Variants in INPP5A observed in about 807,000 individuals in gnomAD.
INPP5A encodes 43 kDa inositol polyphosphate 5-phophatase.
In INPP5A, 14 loss-of-function variants were observed where a neutral mutation model predicts 65.2. The ratio of observed to expected loss-of-function variants is 0.21; its 90% confidence interval spans 0.14 to 0.34. The LOEUF (loss-of-function observed/expected upper bound fraction) is 0.34, where lower values mean the gene tolerates loss of function less well. Among genes scored for constraint, INPP5A ranks in the 10% least tolerant of loss-of-function variants. The probability of loss-of-function intolerance (pLI) is 1.00; values close to 1 mark genes in which losing one functional copy is unlikely to be tolerated. For synonymous variants in INPP5A, 207 were observed against 208.3 expected (o/e 0.99, Z 0.05); for missense variants, 431 against 545.6 (o/e 0.79, Z 2.09).
chr10:132,600,393 C>A (rs2071760418), intron 1 of INPP5A, among the ~76,000 whole-genome samples: 1 of 152,210 alleles, frequency 6.6e-6, no homozygotes, highest in Non-Finnish European at 1.5e-5. Flanking sequence ...CGCTCCAGTT[C>A]CCAACAAGTT....
intron 5 of INPP5A, among the ~76,000 whole-genome samples, chr10:132,695,132 G>A (rs2134494798): frequency 6.6e-6 from 1 of 152,148 alleles, no homozygotes; most frequent in African/African-American, 2.4e-5. Context: ...AAATTCTCAA[G>A]AGTCAGTTAT....
At chr10:132,583,299 A>G (rs1485598101) in intron 1 of INPP5A, among the ~76,000 whole-genome samples, 1 of 152,164 alleles carries the variant, frequency 6.6e-6, no homozygotes, top group Non-Finnish European at 1.5e-5. Flanking sequence ...TCTGAACCGT[A>G]GCTTCTGTGG....
At chr10:132,757,183 G>A (rs960820654) in intron 11 of INPP5A, among the ~76,000 whole-genome samples, 2 of 152,180 alleles carry the variant, frequency 1.3e-5, no homozygotes, top group Non-Finnish European at 2.9e-5. Context: ...TCAGCGTTCC[G>A]TATTTATAAA....
Position 132,590,009 on chromosome 10 carries a change from C to T in INPP5A, c.76-17906C>T, listed in dbSNP as rs73397368. ...CCTCGGGGAGCCCCTCGACGAGACC[C>T]ATGGCTCCTGCACGGATGGTTTCAC... is the stretch of plus-strand genomic sequence containing the variant. On this transcript the variant is annotated intron_variant, in intron 1 of 15. Coordinates refer to ENST00000368594, the MANE Select transcript of INPP5A (RefSeq NM_005539.5). Among the ~76,000 whole-genome samples the T allele has an allele frequency of 2.9e-3, 449 of 152,380 alleles. 2 individuals are homozygous for T. Among genetic ancestry groups the T allele is most frequent in the African/African-American group, 0.01 (429 of 41,590 alleles).
At chr10:132,604,433 C>T (rs529258575) in intron 1 of INPP5A, among the ~76,000 whole-genome samples, 4 of 152,334 alleles carry the variant, frequency 2.6e-5, no homozygotes, top group East Asian at 1.9e-4. Context: ...CGCTCAGGAG[C>T]GAGGATGCAG....
At chr10:132,594,660 G>T (rs995719059) in intron 1 of INPP5A, among the ~76,000 whole-genome samples, 1 of 152,082 alleles carries the variant, frequency 6.6e-6, no homozygotes, top group Non-Finnish European at 1.5e-5. Context: ...TGTGTGTGGG[G>T]TGCATATGTG....
intron 1 of INPP5A, among the ~76,000 whole-genome samples, chr10:132,563,493 T>C (rs757488443): frequency 6.6e-6 from 1 of 152,134 alleles, no homozygotes; most frequent in Non-Finnish European, 1.5e-5. Context: ...TTATGTCTTA[T>C]TAGGTGAATT....
At chr10:132,584,134 A>G (rs2493896) in intron 1 of INPP5A, among the ~76,000 whole-genome samples, 37,721 of 152,194 alleles carry the variant, frequency 0.25, 5,501 homozygotes, top group East Asian at 0.5. Flanking sequence ...TTGTGTACAC[A>G]TCAGTGAGAG....
intron 1 of INPP5A, among the ~76,000 whole-genome samples, chr10:132,563,682 GGAAAGGAAAGGAGA>G (rs1414482519): frequency 7.0e-4 from 107 of 151,826 alleles, no homozygotes; most frequent in South Asian, 3.5e-3. Context: ...AAGAGAGAAA[GGAAAGGAAAGGAGA>G]GAAAGGAAAG....
intron 2 of INPP5A, among the ~76,000 whole-genome samples, chr10:132,624,684 C>T (rs1282685192): frequency 6.6e-6 from 1 of 152,224 alleles, no homozygotes; most frequent in South Asian, 2.1e-4. Flanking sequence ...GCTCAGGACT[C>T]CCCACCTTTC....
At chr10:132,763,798 C>T (rs995135054) in intron 11 of INPP5A, among the ~76,000 whole-genome samples, 2 of 152,226 alleles carry the variant, frequency 1.3e-5, no homozygotes, top group African/African-American at 4.8e-5. Flanking sequence ...TGCATGCAAA[C>T]ACACATGCCT....
At chr10:132,744,669 G>A (rs1328509465) in intron 9 of INPP5A, among the ~76,000 whole-genome samples, 1 of 152,220 alleles carries the variant, frequency 6.6e-6, no homozygotes, top group Non-Finnish European at 1.5e-5. Flanking sequence ...CGTTGGCTTT[G>A]TGGTTCGTTT....
chr10:132,724,226 A>G (rs1248780119), intron 8 of INPP5A, among the ~76,000 whole-genome samples: 2 of 152,220 alleles, frequency 1.3e-5, no homozygotes, highest in Admixed American at 6.5e-5. Flanking sequence ...GCCGCTGGGA[A>G]TGTTGTGTTG....
chr10:132,638,421 G>T (rs1342809805), intron 2 of INPP5A, among the ~76,000 whole-genome samples: 1 of 152,150 alleles, frequency 6.6e-6, no homozygotes, highest in South Asian at 2.1e-4. Context: ...TCCCTCTCTT[G>T]TGGTGTTTCT....
chr10:132,716,640 C>T (rs1486150060), intron 8 of INPP5A, among the ~76,000 whole-genome samples: 2 of 152,242 alleles, frequency 1.3e-5, no homozygotes, highest in Non-Finnish European at 2.9e-5. Context: ...ACCCCAGCGT[C>T]ACCACTGGCA....
In INPP5A at chr10:132,675,177, A is replaced by C. The variant is rs945068481; in HGVS notation, c.307-15215A>C. Among the ~76,000 whole-genome samples the C allele has an allele frequency of 2.0e-5, 3 of 152,206 alleles. No homozygotes were observed. The highest frequency in any genetic ancestry group is 4.4e-5 in the Non-Finnish European group (3 of 68,042). ...ACAAATCAAGAAAACCATAGAGAGC[A>C]TAGGGGTGTGCCGCAGTCACACTGA... On this transcript the variant is annotated intron_variant, in intron 4 of 15. Coordinates refer to ENST00000368594, the MANE Select transcript of INPP5A (RefSeq NM_005539.5). The surrounding 1 kb of genome is among the most constrained non-coding windows in gnomAD (Gnocchi z 4.2).
intron 2 of INPP5A, among the ~76,000 whole-genome samples, chr10:132,645,432 G>A (rs553699677): frequency 2.6e-5 from 4 of 152,346 alleles, no homozygotes; most frequent in East Asian, 1.9e-4. Flanking sequence ...GTGCTGGTAC[G>A]TGCTCCCGCA....
chr10:132,632,341 C>G (rs922876809), intron 2 of INPP5A, among the ~76,000 whole-genome samples: 4 of 152,256 alleles, frequency 2.6e-5, no homozygotes, highest in African/African-American at 9.6e-5. Flanking sequence ...GCGCCTGTGT[C>G]CCCTGTGGCT....
chr10:132,639,309 T>C lies in INPP5A; in HGVS notation c.118-6559T>C, dbSNP rs574279892. ...AATAGATACTGACTTCTGGGTTGAC[T>C]TTTTTTTTTTTTTTCCTTAAGCACT... On this transcript the variant is annotated intron_variant, in intron 2 of 15. Coordinates refer to ENST00000368594, the MANE Select transcript of INPP5A (RefSeq NM_005539.5). Among the ~76,000 whole-genome samples the C allele has an allele frequency of 3.1e-3, 408 of 133,136 alleles. 1 individual carries two copies. The highest frequency in any genetic ancestry group is 0.011 in the African/African-American group (373 of 35,118). 87.3% of individuals were successfully genotyped at this position (133,136 alleles called of 152,430 possible).
Sources: allele counts gnomAD v4.1 joint callset (sites outside exome capture counted in the v4.1 genomes callset), GRCh38; gene constraint gnomAD v4.1.1; non-coding constraint Gnocchi (gnomAD v3.1); transcripts MANE v1.5; gene names NCBI Gene and HGNC (gene_info 2026-07-23, HGNC 2026-07-21).